Variants in SBF2 observed in about 807,000 individuals in gnomAD.
The protein encoded by SBF2 is SET binding factor 2, also known as myotubularin-related protein 13.
SBF2 carries 112 observed loss-of-function variants against 225.2 expected under a neutral mutation model. The observed-to-expected ratio is 0.50, with a 90% confidence interval of 0.43 to 0.58. The LOEUF is 0.58. Ranked by LOEUF, SBF2 falls within the 20% of genes least tolerant of loss-of-function variation. The probability of loss-of-function intolerance (pLI) is 0.00; values close to 1 mark genes in which losing one functional copy is unlikely to be tolerated. For synonymous variants in SBF2, 763 were observed against 773.3 expected, an observed-to-expected ratio of 0.99 and a Z score of 0.22; for missense variants, 1,996 against 2,206.2, an observed-to-expected ratio of 0.90 and a Z score of 1.91.
At chr11:9,848,442 G>C (rs555514823) in intron 22 of SBF2, among the ~76,000 whole-genome samples, 1 of 152,068 alleles carries the variant, frequency 6.6e-6, no homozygotes, top group Non-Finnish European at 1.5e-5. Flanking sequence ...AATTTGAAAG[G>C]AAAAGGCAGA....
chr11:9,845,501 A>C, intron 24 of SBF2, 64 bp downstream of exon 24: 1 of 1,394,520 alleles, frequency 7.2e-7, no homozygotes, highest in Non-Finnish European at 1.0e-6. Context: ...CACAAAGGAT[A>C]GGTTACTCCT....
intron 2 of SBF2, among the ~76,000 whole-genome samples, chr11:10,140,725 G>A (rs1300074153): frequency 6.6e-6 from 1 of 152,140 alleles, no homozygotes; most frequent in Admixed American, 6.5e-5. Flanking sequence ...ACTTGAGAGT[G>A]GCATTTGAAG....
chr11:10,170,425 T>C (rs1280565322), intron 2 of SBF2, among the ~76,000 whole-genome samples: 1 of 152,132 alleles, frequency 6.6e-6, no homozygotes, highest in Non-Finnish European at 1.5e-5. Context: ...TTTTCAGAAA[T>C]GAGTTCCCTG....
intron 6 of SBF2, among the ~76,000 whole-genome samples, chr11:10,019,367 A>G (rs959058053): frequency 7.9e-5 from 12 of 152,242 alleles, no homozygotes; most frequent in African/African-American, 2.9e-4. Context: ...AGAGTGGGCT[A>G]GCAAGGAGAT....
At chr11:10,279,967 G>A (rs778090566) in intron 1 of SBF2, among the ~76,000 whole-genome samples, 1 of 152,174 alleles carries the variant, frequency 6.6e-6, no homozygotes, top group Admixed American at 6.5e-5. Flanking sequence ...ATGTTTTAAT[G>A]TGCATCATTA....
At chr11:9,955,059 T>C (rs1380374812) in intron 16 of SBF2, among the ~76,000 whole-genome samples, 1 of 152,046 alleles carries the variant, frequency 6.6e-6, no homozygotes, top group Non-Finnish European at 1.5e-5. Context: ...TTAGGGCAAG[T>C]TCTTCTCATA....
At position 10,288,001 on chromosome 11, in the gene SBF2, C is replaced by T. The variant is rs866022640; in HGVS notation, c.55+6014G>A. Among the ~76,000 whole-genome samples, 58 of 152,318 alleles carry T rather than the reference C, an allele frequency of 3.8e-4. 1 individual carries two copies. Among genetic ancestry groups the T allele is most frequent in the African/African-American group, 1.2e-3 (51 of 41,576 alleles). On this transcript the variant is annotated intron_variant, in intron 1 of 39. Transcript: ENST00000256190. ...GTGCCAGCTCTCTGCGAGGCTGTGG[C>T]TGGACCAGTTGCACCACAAACAGCT...
At chr11:9,876,614 C>T (rs1192953349) in intron 17 of SBF2, among the ~76,000 whole-genome samples, 1 of 152,148 alleles carries the variant, frequency 6.6e-6, no homozygotes. Flanking sequence ...GAAAGAAAGC[C>T]GTTCCCAGAA....
At chr11:10,081,879 G>A (rs1217765941) in intron 2 of SBF2, among the ~76,000 whole-genome samples, 1 of 150,682 alleles carries the variant, frequency 6.6e-6, no homozygotes, top group Non-Finnish European at 1.5e-5. Context: ...AAATAACAAA[G>A]ATTCAAGCAA....
intron 13 of SBF2, among the ~76,000 whole-genome samples, chr11:9,983,429 G>A (rs1041117407): frequency 3.9e-5 from 6 of 152,062 alleles, no homozygotes; most frequent in South Asian, 4.1e-4. Flanking sequence ...ATCAAGACCC[G>A]CCCAAAGAGA....
intron 2 of SBF2, among the ~76,000 whole-genome samples, chr11:10,064,299 A>C (rs945931472): frequency 1.3e-5 from 2 of 152,180 alleles, no homozygotes; most frequent in Admixed American, 1.3e-4. Context: ...AGATTGCATA[A>C]GTTAAACAAG....
At chr11:9,787,783 C>A (rs1203050882) in intron 35 of SBF2, 45 bp from the exon 36 acceptor site, 4 of 1,527,354 alleles carry the variant, frequency 2.6e-6, no homozygotes, top group Non-Finnish European at 3.6e-6. Flanking sequence ...TCATAGAAAT[C>A]AGGATGGGCC....
chr11:9,916,326 C>A (rs1863088326), intron 16 of SBF2, among the ~76,000 whole-genome samples: 1 of 152,130 alleles, frequency 6.6e-6, no homozygotes, highest in South Asian at 2.1e-4. Context: ...AAATCAAACA[C>A]TGGCAGAAAA....
At chr11:9,899,022 C>T (rs1861503211) in intron 16 of SBF2, among the ~76,000 whole-genome samples, 1 of 150,940 alleles carries the variant, frequency 6.6e-6, no homozygotes, top group Non-Finnish European at 1.5e-5. Flanking sequence ...AACAGTGTTA[C>T]ATGCTTTAGA....
intron 16 of SBF2, among the ~76,000 whole-genome samples, chr11:9,919,822 C>G (rs1319440098): frequency 6.6e-6 from 1 of 152,126 alleles, no homozygotes; most frequent in Non-Finnish European, 1.5e-5. Flanking sequence ...ACCTCCACCT[C>G]CCAGGTTCAA....
rs541200779 is a variant in SBF2, at chr11:10,128,827, C to T, written c.141+65075G>A. Among the ~76,000 whole-genome samples the T allele has an allele frequency of 2.6e-5, 4 of 152,284 alleles. No homozygotes were observed. In the South Asian group the frequency reaches 6.2e-4, roughly 24 times the overall value. On this transcript the variant is annotated intron_variant, in intron 2 of 39. Coordinates refer to ENST00000256190, the MANE Select transcript of SBF2 (RefSeq NM_030962.4). ...GCAAACATTTCATCTGTTTAAAACA[C>T]GTAGGGGAAATAAGTTTGTTTTCTT...
intron 16 of SBF2, among the ~76,000 whole-genome samples, chr11:9,916,260 C>G (rs1264505474): frequency 6.6e-6 from 1 of 152,026 alleles, no homozygotes; most frequent in Non-Finnish European, 1.5e-5. Context: ...CAGAGAAAAG[C>G]TTAGCTAGCT....
chr11:9,820,041 T>C (rs985609682), intron 28 of SBF2, among the ~76,000 whole-genome samples: 1 of 152,198 alleles, frequency 6.6e-6, no homozygotes, highest in Admixed American at 6.5e-5. Flanking sequence ...ATAATAGTTT[T>C]GTAATTTGAG....
intron 32 of SBF2, among the ~76,000 whole-genome samples, chr11:9,797,886 C>T (rs967890749): frequency 6.6e-6 from 1 of 152,028 alleles, no homozygotes; most frequent in Non-Finnish European, 1.5e-5. Context: ...GGAGGAGGAT[C>T]GCTTGTGTCC....
Sources: gnomAD v4.1 joint callset for allele counts (sites outside exome capture counted in the v4.1 genomes callset) on GRCh38, gnomAD v4.1.1 for gene constraint, MANE v1.5 for transcripts, NCBI Gene and HGNC (gene_info 2026-07-23, HGNC 2026-07-21) for gene names.